Variants in C5orf52 observed in about 807,000 individuals in gnomAD.
C5orf52 encodes the protein uncharacterized protein C5orf52.
In C5orf52, 15 loss-of-function variants were observed where a neutral mutation model predicts 16.8. The ratio of observed to expected loss-of-function variants is 0.89; its 90% CI spans 0.60 to 1.38. The LOEUF (loss-of-function observed/expected upper bound fraction) is 1.38, where lower values mean the gene tolerates loss of function less well. Among genes scored for constraint, C5orf52 ranks in the 40% most tolerant of loss-of-function variants. The pLI, the probability that C5orf52 is intolerant of heterozygous loss-of-function variation, is 0.00. For missense variants in C5orf52, 206 were observed against 213.1 expected (o/e 0.97, Z 0.21); for synonymous variants, 83 against 87.2 (o/e 0.95, Z 0.27).
At chr5:157,674,198 C>T (rs183731557) in intron 1 of C5orf52, among the ~76,000 whole-genome samples, 83 of 152,162 alleles carry the variant, frequency 5.5e-4, no homozygotes, top group African/African-American at 1.8e-3. Context: ...CCCATACCTC[C>T]TTCACTTTTC....
At chr5:157,671,353 G>C, upstream of C5orf52, 1 of 516,026 alleles carries the variant, frequency 1.9e-6, no homozygotes. Flanking sequence ...TTCCAGACCC[G>C]TCCGTCTTCA....
chr5:157,676,127 G>A (rs1190310303), intron 2 of C5orf52, among the ~76,000 whole-genome samples: 2 of 152,106 alleles, frequency 1.3e-5, no homozygotes, highest in Non-Finnish European at 2.9e-5. Flanking sequence ...AGGCTGGAGT[G>A]CAGTGGCGCT....
At position 157,675,171 on chromosome 5, in the gene C5orf52, C is replaced by G. The variant is rs200431937; in HGVS notation, c.292C>G (p.Arg98Gly). Reference protein sequence around the residue: ...HLSRVIIHDNRITQRIYEMEV... With the variant: ...HLSRVIIHDNGITQRIYEMEV... ...ATCTCGGGTGATTATTCATGATAAC[C>G]GCATCACACAACGAATCTATGAGAT... is the stretch of plus-strand genomic sequence containing the variant. Residue 98 changes from arginine (R) to glycine (G), a missense_variant, in exon 2 of 3, where the codon CGC becomes GGC. Arg to Gly is a moderately radical substitution (Grantham distance 125). Transcript: ENST00000409999. 2 of 1,550,542 alleles carry G rather than the reference C, an allele frequency of 1.3e-6. No individual in the cohort carries two copies. Among genetic ancestry groups the G allele is most frequent in the East Asian group, 4.9e-5 (2 of 40,910 alleles).
At chr5:157,678,339 G>C (rs1759945720) in intron 2 of C5orf52, among the ~76,000 whole-genome samples, 1 of 152,174 alleles carries the variant, frequency 6.6e-6, no homozygotes, top group Non-Finnish European at 1.5e-5. Flanking sequence ...ATCCCCTGGA[G>C]GGCTTGTTAA....
At chr5:157,676,681 C>T (rs530142980) in intron 2 of C5orf52, among the ~76,000 whole-genome samples, 3 of 152,210 alleles carry the variant, frequency 2.0e-5, no homozygotes, top group Admixed American at 6.5e-5. Context: ...CTCTCAGTTG[C>T]AGGTAACATA....
chr5:157,675,366 A>G (rs1759876038), intron 2 of C5orf52, among the ~76,000 whole-genome samples, 166 bp downstream of exon 2: 1 of 152,138 alleles, frequency 6.6e-6, no homozygotes, highest in African/African-American at 2.4e-5. Context: ...GGGGTTACTG[A>G]CTTGCGCAAG....
Position 157,671,697 on chromosome 5 carries a change from G to C in C5orf52, c.83G>C (p.Ser28Thr). The stretch of plus-strand genomic sequence containing the variant: ...GGGACCGCCGCCCAGGCGACCACCA[G>C]TTCCAGCGCCACCTCGGGTTCGAAC... ...IGGTAAQATT[S>T]SSATSGSNYQ... The change falls in exon 1 of 3, where the codon AGT (serine) becomes ACT (threonine). Residue 28 changes from serine (S) to threonine (T), a missense_variant. Physicochemically the swap from Ser to Thr is moderately conservative, Grantham distance 58. Coordinates refer to ENST00000409999, the MANE Select transcript of C5orf52 (RefSeq NM_001145132.2). 1 of 1,551,424 alleles carries C rather than the reference G, an allele frequency of 6.4e-7. No homozygotes were observed. The highest frequency in any genetic ancestry group is 8.7e-7 in the Non-Finnish European group (1 of 1,146,926).
chr5:157,679,247 C>T (rs1398227033), intron 2 of C5orf52, among the ~76,000 whole-genome samples: 2 of 152,102 alleles, frequency 1.3e-5, no homozygotes, highest in Non-Finnish European at 2.9e-5. Flanking sequence ...GTAGCTAGCT[C>T]ATTGGAGTAA....
At chr5:157,673,999 A>T (rs1759848835) in intron 1 of C5orf52, among the ~76,000 whole-genome samples, 1 of 152,168 alleles carries the variant, frequency 6.6e-6, no homozygotes, top group African/African-American at 2.4e-5. Context: ...TGTTCATAAG[A>T]CTACTTCGTG....
At chr5:157,671,962 C>G in intron 1 of C5orf52, 136 bp downstream of exon 1, 1 of 570,520 alleles carries the variant, frequency 1.8e-6, no homozygotes, top group Non-Finnish European at 2.9e-6. Flanking sequence ...CTCGTAGCCC[C>G]GGGCACCAGC....
At chr5:157,674,734 C>T (rs1759863703) in intron 1 of C5orf52, among the ~76,000 whole-genome samples, 1 of 152,112 alleles carries the variant, frequency 6.6e-6, no homozygotes, top group Admixed American at 6.5e-5. Flanking sequence ...CCACCACACT[C>T]CAGCCTGGGA....
chr5:157,672,345 C>T (rs1289306201), intron 1 of C5orf52, among the ~76,000 whole-genome samples: 3 of 152,152 alleles, frequency 2.0e-5, no homozygotes, highest in South Asian at 2.1e-4. Flanking sequence ...CACAAACCCC[C>T]CTCACTGCAT....
At chr5:157,675,371 C>T (rs546398487) in intron 2 of C5orf52, among the ~76,000 whole-genome samples, 171 bp downstream of exon 2, 4 of 152,248 alleles carry the variant, frequency 2.6e-5, no homozygotes, top group Admixed American at 1.3e-4. Context: ...TACTGACTTG[C>T]GCAAGGTGTC....
chr5:157,671,583 T>C lies in C5orf52; in HGVS notation c.-32T>C. On this transcript the variant is annotated 5_prime_UTR_variant, in exon 1 of 3. Coordinates refer to ENST00000409999, the MANE Select transcript of C5orf52 (RefSeq NM_001145132.2). ...AGGTGGGCTGGCAACCAGCCACCAG[T>C]TTCCAACTCTTTCTCCAACAGGGAA... The C allele has an allele frequency of 6.6e-7, 1 of 1,526,256 alleles. No homozygotes were observed. The highest frequency in any genetic ancestry group is 8.8e-7 in the Non-Finnish European group (1 of 1,133,046). 94.5% of individuals were successfully genotyped at this position (1,526,256 alleles called of 1,614,324 possible).
intron 1 of C5orf52, among the ~76,000 whole-genome samples, chr5:157,674,627 G>A (rs980904589): frequency 3.3e-5 from 5 of 152,128 alleles, no homozygotes; most frequent in African/African-American, 9.7e-5. Flanking sequence ...AATTAGCCAG[G>A]CATGGTGGCG....
chr5:157,672,221 CTCATACGCCCCT>C (rs1382946949), intron 1 of C5orf52, among the ~76,000 whole-genome samples: 1 of 152,102 alleles, frequency 6.6e-6, no homozygotes, highest in Admixed American at 6.5e-5. Flanking sequence ...TCGAATCCGT[CTCATACGCCCCT>C]TCTCAGCCTC....
At chr5:157,679,157 A>T (rs911102750) in intron 2 of C5orf52, among the ~76,000 whole-genome samples, 20 of 151,858 alleles carry the variant, frequency 1.3e-4, no homozygotes, top group African/African-American at 4.8e-4. Flanking sequence ...AAAAAGAAAT[A>T]TTTGGGCATG....
chr5:157,679,931 G>T lies in C5orf52; in HGVS notation c.412G>T (p.Gly138Trp). Residue 138 changes from glycine to tryptophan, a missense_variant, in exon 3 of 3, where the codon GGG (glycine) becomes TGG (tryptophan). Gly to Trp is a radical substitution (Grantham distance 184, BLOSUM62 -2). Coordinates refer to ENST00000409999, the MANE Select transcript of C5orf52 (RefSeq NM_001145132.2). Reference protein sequence around the residue: ...KFMTEQLRKLGRWREESVNSN... With the variant: ...KFMTEQLRKLWRWREESVNSN... ...CATGACAGAGCAGCTCAGAAAGCTC[G>T]GGCGATGGAGAGAGGAATCCGTGAA... 1 of 1,551,718 alleles carries T rather than the reference G, an allele frequency of 6.4e-7. No individual in the cohort carries two copies. The highest frequency in any genetic ancestry group is 8.7e-7 in the Non-Finnish European group (1 of 1,147,006).
At position 157,675,346 on chromosome 5, in the gene C5orf52, AT is replaced by A. The variant is rs1396860092; in HGVS notation, c.321+148del. 3 of 586,764 alleles carry A rather than the reference AT, an allele frequency of 5.1e-6. No individual in the cohort carries two copies. In the African/African-American group the frequency reaches 5.7e-5, roughly 11 times the overall value. 36.3% of individuals were successfully genotyped at this position (586,764 alleles called of 1,614,324 possible). A position where few individuals can be genotyped will look rare whatever the true frequency, so the allele number is the denominator to read the frequency against. ...CAGGCCCCATTTTACAGAGGAGGCA[AT>A]TGATACTCGGGGTTACTGACTTGCG... On this transcript the variant is annotated intron_variant, in intron 2 of 2. Transcript: ENST00000409999.
Sources: allele counts gnomAD v4.1 joint callset (sites outside exome capture counted in the v4.1 genomes callset), GRCh38; gene constraint gnomAD v4.1.1; transcripts MANE v1.5; gene names NCBI Gene and HGNC (gene_info 2026-07-23, HGNC 2026-07-21).